ABCB5: variants seen among roughly 807,000 people sequenced by gnomAD.
ABCB5 encodes the protein ATP-binding cassette sub-family B member 5.
In ABCB5, 155 loss-of-function variants were observed where a neutral mutation model predicts 144.2. The observed-to-expected ratio is 1.08, with a 90% CI of 0.94 to 1.23. The LOEUF (loss-of-function observed/expected upper bound fraction) is 1.23, where lower values mean the gene tolerates loss of function less well. Among genes scored for constraint, ABCB5 ranks in the 50% most tolerant of loss-of-function variants. The pLI, the probability that ABCB5 is intolerant of heterozygous loss-of-function variation, is 0.00. For missense variants in ABCB5, 1,830 were observed against 1,520.8 expected, an observed-to-expected ratio of 1.20 and a Z score of -3.38; for synonymous variants, 610 against 528.6, an observed-to-expected ratio of 1.15 and a Z score of -2.11.
At chr7:20,670,884 G>A (rs980187714) in intron 14 of ABCB5, among the ~76,000 whole-genome samples, 4 of 152,010 alleles carry the variant, frequency 2.6e-5, no homozygotes, top group East Asian at 1.9e-4. Flanking sequence ...ACTCCAGCCC[G>A]GGCAACAAGA....
intron 23 of ABCB5, among the ~76,000 whole-genome samples, chr7:20,734,023 C>G (rs1316448845): frequency 1.3e-5 from 2 of 152,164 alleles, no homozygotes; most frequent in African/African-American, 4.8e-5. Context: ...GAGAGATTCT[C>G]TAGGGATTCT....
intron 4 of ABCB5, among the ~76,000 whole-genome samples, chr7:20,631,431 T>C (rs1177259124): frequency 3.3e-5 from 5 of 152,166 alleles, no homozygotes; most frequent in Admixed American, 1.3e-4. Context: ...ATGTTGATTA[T>C]AGAAGTTTAA....
rs546405335 is a variant in ABCB5, at chr7:20,755,528, G to C, written c.3678G>C (p.Leu1226=). The C allele has an allele frequency of 2.5e-6, 4 of 1,614,060 alleles. No homozygotes were observed. In the African/African-American group the frequency reaches 5.3e-5, roughly 22 times the overall value. Residue 1226 remains leucine (L), a synonymous_variant, in exon 28 of 28, where the codon CTG becomes CTC. Coordinates refer to ENST00000404938, the MANE Select transcript of ABCB5 (RefSeq NM_001163941.2). ...AIQNADLIVV[L]HNGKIKEQGT... is the part of the protein sequence containing the mutation. ...AGAACGCAGATTTGATAGTGGTTCT[G>C]CACAATGGAAAGATAAAGGAACAAG...
At chr7:20,711,954 G>T (rs1583443212) in intron 20 of ABCB5, among the ~76,000 whole-genome samples, 1 of 122,212 alleles carries the variant, frequency 8.2e-6, no homozygotes, top group African/African-American at 3.1e-5. Context: ...TCAAGATATT[G>T]CTCAGCTGGG....
intron 1 of ABCB5, among the ~76,000 whole-genome samples, chr7:20,618,071 G>C (rs1338708729): frequency 6.6e-6 from 1 of 152,114 alleles, no homozygotes; most frequent in Non-Finnish European, 1.5e-5. Context: ...ACATATCATA[G>C]AATGTACCCA....
In ABCB5 at chr7:20,632,104, A is replaced by T; in HGVS notation, c.305A>T (p.Asp102Val). 6.6e-7 allele frequency: 1 copy of T among 1,523,468 alleles called. No individual in the cohort carries two copies. The highest frequency in any genetic ancestry group is 8.8e-7 in the Non-Finnish European group (1 of 1,133,006). 94.4% of individuals were successfully genotyped at this position (1,523,468 alleles called of 1,614,324 possible). The change falls in exon 5 of 28, where the codon GAT becomes GTT. Residue 102 changes from aspartate (D) to valine (V), a missense_variant. Transcript: ENST00000404938. ...CTQSQEKLNE[D>V]MTLLTLYYVG... ...CAGTCTCAAGAGAAGCTGAATGAAGATATGACTCTGTAAGTCCAAATGAAA... is the reference window on the plus strand; with the variant it reads ...CAGTCTCAAGAGAAGCTGAATGAAGTTATGACTCTGTAAGTCCAAATGAAA...
At position 20,677,490 on chromosome 7, in the gene ABCB5, A is replaced by C. The variant is rs1194385366; in HGVS notation, c.1708-4015A>C. 3.3e-5 allele frequency among the ~76,000 whole-genome samples: 5 copies of C among 152,306 alleles called. No individual in the cohort carries two copies. The East Asian group carries it at 9.6e-4, about 29-fold the overall frequency. ...TTTGCCAGTAATCCAGCACTTTGGC[A>C]GGCAGAGGCAGGTGGATCACCTGAG... On this transcript the variant is annotated intron_variant, in intron 14 of 27. Coordinates refer to ENST00000404938, the MANE Select transcript of ABCB5 (RefSeq NM_001163941.2).
At chr7:20,681,786 T>C (rs557614131) in intron 15 of ABCB5, 120 bp downstream of exon 15, 19 of 1,141,216 alleles carry the variant, frequency 1.7e-5, no homozygotes, top group Admixed American at 5.0e-5. Context: ...CCAAGGTTTA[T>C]AGTTCCTCAG....
intron 15 of ABCB5, among the ~76,000 whole-genome samples, chr7:20,682,223 C>A (rs1392272022): frequency 6.6e-6 from 1 of 152,048 alleles, no homozygotes; most frequent in Non-Finnish European, 1.5e-5. Context: ...AACAAACAAA[C>A]AAACAAAAAC....
intron 16 of ABCB5, among the ~76,000 whole-genome samples, chr7:20,688,425 T>A (rs1490262463): frequency 6.6e-6 from 1 of 152,080 alleles, no homozygotes; most frequent in East Asian, 1.9e-4. Context: ...ATCTCTACCA[T>A]CTCACACCAG....
intron 22 of ABCB5, 57 bp downstream of exon 22, chr7:20,727,197 C>T: frequency 7.9e-7 from 1 of 1,271,112 alleles, no homozygotes; most frequent in South Asian, 1.3e-5. Flanking sequence ...AAAGGCAGTA[C>T]TCTCAAATGA....
Position 20,692,630 on chromosome 7 carries a change from G to A in ABCB5, c.2011-5777G>A, listed in dbSNP as rs1328656301. ...ATTTACATTTTTGATATGTTTAAAA[G>A]CATACTTATTTTTCAAAGAAAAAAG... On this transcript the variant is annotated intron_variant, in intron 16 of 27. Transcript: ENST00000404938. 2.6e-5 allele frequency among the ~76,000 whole-genome samples: 4 copies of A among 151,482 alleles called. 1 individual carries two copies. The highest frequency in any genetic ancestry group is 5.9e-5 in the Non-Finnish European group (4 of 67,864).
intron 20 of ABCB5, among the ~76,000 whole-genome samples, chr7:20,709,714 G>A (rs1194765945): frequency 2.0e-5 from 3 of 149,958 alleles, no homozygotes. Context: ...TGGCACATAT[G>A]GTTTCTCTAG....
At chr7:20,665,060 G>A (rs1785128646) in intron 14 of ABCB5, among the ~76,000 whole-genome samples, 1 of 152,012 alleles carries the variant, frequency 6.6e-6, no homozygotes, top group Admixed American at 6.5e-5. Context: ...GAGATTCCAG[G>A]CCATAAAAAG....
chr7:20,694,027 AAAAAAAAC>A, intron 16 of ABCB5, among the ~76,000 whole-genome samples: 1 of 151,434 alleles, frequency 6.6e-6, no homozygotes, highest in African/African-American at 2.4e-5. Context: ...TTTCCCTAAA[AAAAAAAAC>A]AAAAAAACAA....
chr7:20,692,208 C>T (rs1179914563), intron 16 of ABCB5, among the ~76,000 whole-genome samples: 2 of 151,832 alleles, frequency 1.3e-5, no homozygotes, highest in Non-Finnish European at 2.9e-5. Context: ...CTGCTTAAAA[C>T]CAATGTTAAG....
At chr7:20,647,370 C>G in intron 9 of ABCB5, 165 bp from the exon 10 acceptor site, 1 of 1,347,360 alleles carries the variant, frequency 7.4e-7, no homozygotes. Flanking sequence ...TGGCTAAGAT[C>G]AAGTGTAATC....
intron 24 of ABCB5, 143 bp from the exon 25 acceptor site, chr7:20,742,734 G>A: frequency 1.4e-6 from 1 of 737,998 alleles, no homozygotes; most frequent in Admixed American, 2.6e-5. Flanking sequence ...GCAGTCAACA[G>A]CTCTACAGAG....
chr7:20,637,964 C>T (rs1784202692), intron 5 of ABCB5, among the ~76,000 whole-genome samples: 1 of 152,058 alleles, frequency 6.6e-6, no homozygotes, highest in Admixed American at 6.6e-5. Flanking sequence ...AAATTAATTG[C>T]CTGGGCTCTG....
Sources: allele counts gnomAD v4.1 joint callset (sites outside exome capture counted in the v4.1 genomes callset), GRCh38; gene constraint gnomAD v4.1.1; transcripts MANE v1.5; gene names NCBI Gene and HGNC (gene_info 2026-07-23, HGNC 2026-07-21).